The following NEBL variants were observed in gnomAD, a reference collection of about 807,000 sequenced individuals.
NEBL encodes nebulette.
A neutral mutation model predicts 140.2 loss-of-function variants in NEBL; 122 were observed. The ratio of observed to expected loss-of-function variants is 0.87; its 90% CI spans 0.75 to 1.01. The LOEUF (loss-of-function observed/expected upper bound fraction) is 1.01, where lower values mean the gene tolerates loss of function less well. NEBL is among the 50% of genes least tolerant of loss of function. NEBL has a pLI of 0.00. For synonymous variants in NEBL, 436 were observed against 398.9 expected, an observed-to-expected ratio of 1.09 and a Z score of -1.11; for missense variants, 1,365 against 1,231.3, an observed-to-expected ratio of 1.11 and a Z score of -1.62.
Position 20,910,875 on chromosome 10 carries a change from G to A in NEBL, c.357+50797C>T, listed in dbSNP as rs116468869. 4.0e-3 allele frequency among the ~76,000 whole-genome samples: 601 copies of A among 149,562 alleles called. 3 individuals are homozygous for A. Among genetic ancestry groups the A allele is most frequent in the African/African-American group, 0.014 (568 of 40,374 alleles). On this transcript the variant is annotated intron_variant, in intron 4 of 6. Transcript: ENST00000417816. ...GGGGATAGGAGTAACCTATGCTAAA[G>A]AGTAGGCACTGGCCAGGCATGGTGG...
chr10:21,227,100 G>A (rs1842161797), intron 3 of NEBL, among the ~76,000 whole-genome samples: 1 of 151,944 alleles, frequency 6.6e-6, no homozygotes, highest in African/African-American at 2.4e-5. Flanking sequence ...TGTTGTTATT[G>A]TTCAGTGATG....
chr10:21,185,430 T>C (rs1419213677), intron 3 of NEBL, among the ~76,000 whole-genome samples: 1 of 149,988 alleles, frequency 6.7e-6, no homozygotes, highest in African/African-American at 2.5e-5. Context: ...TGGAGAGAGG[T>C]CACCACCAAG....
At chr10:21,092,889 T>C (rs1486006612) in intron 2 of NEBL, among the ~76,000 whole-genome samples, 1 of 152,058 alleles carries the variant, frequency 6.6e-6, no homozygotes, top group Non-Finnish European at 1.5e-5. Flanking sequence ...CAGAGACCCA[T>C]GCCAAGCAAC....
intron 26 of NEBL, among the ~76,000 whole-genome samples, chr10:20,804,768 A>G: frequency 6.6e-6 from 1 of 152,204 alleles, no homozygotes; most frequent in East Asian, 1.9e-4. Context: ...AGTTCAGAGC[A>G]GTGACCGGGG....
intron 3 of NEBL, among the ~76,000 whole-genome samples, chr10:20,978,429 CCA>C (rs1491161276): frequency 3.4e-4 from 47 of 138,792 alleles, no homozygotes; most frequent in African/African-American, 1.4e-3. Context: ...GAAAAGCTAA[CCA>C]AAAAAAAAAA....
At chr10:20,873,041 TC>T (rs1434110227) in intron 5 of NEBL, among the ~76,000 whole-genome samples, 2 of 152,240 alleles carry the variant, frequency 1.3e-5, no homozygotes, top group Admixed American at 6.5e-5. Context: ...TCCAAGAACG[TC>T]TTTTGGGGTC....
At chr10:21,075,162 G>T (rs925668223) in intron 2 of NEBL, among the ~76,000 whole-genome samples, 3 of 152,078 alleles carry the variant, frequency 2.0e-5, no homozygotes, top group Admixed American at 6.5e-5. Flanking sequence ...GTAGATGAAA[G>T]AAATATTTCT....
rs1406686581 is a variant in NEBL at position 20,864,398 on chromosome 10, A to G, written c.684+4266T>C. Among the ~76,000 whole-genome samples, 3 of 152,180 alleles carry G rather than the reference A, an allele frequency of 2.0e-5. No homozygotes were observed. In the South Asian group the frequency reaches 6.2e-4, roughly 32 times the overall value. Reference sequence around the variant, plus strand: ...TTTTAAAAAGGGAAAGTTTACAACTACGGGAGCAAAGCTATTGTAGAAGTT... The same window carrying G: ...TTTTAAAAAGGGAAAGTTTACAACTGCGGGAGCAAAGCTATTGTAGAAGTT... On this transcript the variant is annotated intron_variant, in intron 7 of 27. Transcript: ENST00000377122.
intron 2 of NEBL, among the ~76,000 whole-genome samples, chr10:21,071,837 G>T (rs1422362284): frequency 1.3e-5 from 2 of 151,784 alleles, no homozygotes; most frequent in African/African-American, 2.4e-5. Context: ...TCTTTTTTTT[G>T]AGATGGAGTC....
At chr10:20,943,339 G>A (rs1231780360) in intron 4 of NEBL, among the ~76,000 whole-genome samples, 2 of 152,124 alleles carry the variant, frequency 1.3e-5, no homozygotes, top group African/African-American at 4.8e-5. Flanking sequence ...CTATCACAAG[G>A]ACAAAAAACC....
At chr10:21,037,732 A>T (rs990507061) in intron 2 of NEBL, among the ~76,000 whole-genome samples, 1 of 152,186 alleles carries the variant, frequency 6.6e-6, no homozygotes, top group Non-Finnish European at 1.5e-5. Context: ...GTGATTGTTG[A>T]AATAAAATAG....
Position 20,809,795 on chromosome 10 carries a change from G to A in NEBL, c.2611+11C>T. On this transcript the variant is annotated intron_variant, in intron 25 of 27. Transcript: ENST00000377122. ...CCACATAAATGGGATGAACTAAAAA[G>A]TGAGTAATACCAGAGAGCATATGGA... is the stretch of plus-strand genomic sequence containing the variant. 1 of 1,580,268 alleles carries A rather than the reference G, an allele frequency of 6.3e-7. No individual in the cohort carries two copies. Among genetic ancestry groups the A allele is most frequent in the Non-Finnish European group, 8.7e-7 (1 of 1,149,334 alleles).
intron 26 of NEBL, among the ~76,000 whole-genome samples, chr10:20,790,123 G>A (rs1318566344): frequency 1.3e-5 from 2 of 152,030 alleles, no homozygotes; most frequent in Non-Finnish European, 2.9e-5. Context: ...AGGGAGTTTA[G>A]AATGAGAAAC....
chr10:20,993,695 C>G (rs1035084494), intron 3 of NEBL, among the ~76,000 whole-genome samples: 2 of 152,122 alleles, frequency 1.3e-5, no homozygotes, highest in East Asian at 3.9e-4. Context: ...GTCACATGAC[C>G]ATGACCAACA....
chr10:21,025,880 G>T (rs897443614), intron 2 of NEBL, among the ~76,000 whole-genome samples: 4 of 152,042 alleles, frequency 2.6e-5, no homozygotes, highest in Non-Finnish European at 5.9e-5. Flanking sequence ...CTCATAGTAG[G>T]CACTCAAGAA....
intron 4 of NEBL, among the ~76,000 whole-genome samples, chr10:20,923,319 C>T (rs1261751399): frequency 6.6e-6 from 1 of 152,120 alleles, no homozygotes; most frequent in African/African-American, 2.4e-5. Flanking sequence ...CTGCCTGCCT[C>T]AGCCTCCCAA....
At chr10:20,935,703 C>T (rs947971002) in intron 4 of NEBL, among the ~76,000 whole-genome samples, 2 of 152,152 alleles carry the variant, frequency 1.3e-5, no homozygotes, top group Middle Eastern at 3.2e-3. Flanking sequence ...AATCTTGATG[C>T]TTATCACAAT....
chr10:20,817,827 TACATATACGCCC>T, intron 20 of NEBL, 135 bp from the exon 21 acceptor site: 1 of 746,296 alleles, frequency 1.3e-6, no homozygotes, highest in South Asian at 1.4e-5. Context: ...CCTTCACGCT[TACATATACGCCC>T]ACATTCCGAT....
At chr10:21,292,044 T>A (rs941985871) in intron 1 of NEBL, among the ~76,000 whole-genome samples, 1 of 152,224 alleles carries the variant, frequency 6.6e-6, no homozygotes, top group Non-Finnish European at 1.5e-5. Flanking sequence ...TCCAGCTATA[T>A]CTTTGTAATG....
Sources: allele counts gnomAD v4.1 joint callset (sites outside exome capture counted in the v4.1 genomes callset), GRCh38; gene constraint gnomAD v4.1.1; transcripts MANE v1.5; gene names NCBI Gene and HGNC (gene_info 2026-07-23, HGNC 2026-07-21).